Variants in SLC24A2 observed in about 807,000 individuals in gnomAD.
SLC24A2 encodes sodium/potassium/calcium exchanger 2.
A neutral mutation model predicts 62.0 loss-of-function variants in SLC24A2; 36 were observed. The observed-to-expected ratio is 0.58, with a 90% confidence interval of 0.44 to 0.77. The LOEUF is 0.77. Among genes scored for constraint, SLC24A2 ranks in the 30% least tolerant of loss-of-function variants. SLC24A2 has a pLI of 0.00. For missense variants in SLC24A2, 846 were observed against 817.9 expected, an observed-to-expected ratio of 1.03 and a Z score of -0.42; for synonymous variants, 358 against 294.0, an observed-to-expected ratio of 1.22 and a Z score of -2.23.
chr9:20,130,151 G>T, the SLC24A2 span, among the ~76,000 whole-genome samples: 33 of 152,004 alleles, frequency 2.2e-4, no homozygotes, highest in Non-Finnish European at 3.5e-4. Flanking sequence ...TTGTATGCCA[G>T]GAACATTTTA....
At chr9:19,825,260 T>G in the SLC24A2 span, among the ~76,000 whole-genome samples, 1 of 152,322 alleles carries the variant, frequency 6.6e-6, no homozygotes, top group African/African-American at 2.4e-5. Flanking sequence ...AATTATATCT[T>G]TTATAGCAAT....
the SLC24A2 span, among the ~76,000 whole-genome samples, chr9:20,139,508 C>T: frequency 1.3e-5 from 2 of 152,228 alleles, no homozygotes; most frequent in Admixed American, 6.5e-5. Flanking sequence ...TGGGCCAGCA[C>T]ACACTGTACA....
intron 4 of SLC24A2, among the ~76,000 whole-genome samples, chr9:19,600,063 G>A (rs1836803386): frequency 6.6e-6 from 1 of 152,168 alleles, no homozygotes. Flanking sequence ...GAAGCAAGAG[G>A]CAGCTAGGAT....
At chr9:20,101,868 A>C in the SLC24A2 span, among the ~76,000 whole-genome samples, 4 of 152,206 alleles carry the variant, frequency 2.6e-5, no homozygotes, top group Non-Finnish European at 5.9e-5. Flanking sequence ...CTTACCATTG[A>C]AAGCCTGCCT....
At chr9:19,750,797 G>A (rs1821960332) in intron 2 of SLC24A2, among the ~76,000 whole-genome samples, 1 of 152,088 alleles carries the variant, frequency 6.6e-6, no homozygotes, top group Non-Finnish European at 1.5e-5. Flanking sequence ...AACAACAGAT[G>A]GTGCCAAGCT....
chr9:19,953,564 C>T, the SLC24A2 span, among the ~76,000 whole-genome samples: 4 of 151,974 alleles, frequency 2.6e-5, no homozygotes, highest in Admixed American at 6.6e-5. Flanking sequence ...CCTAGTGTCT[C>T]AGTTTTCTCA....
At chr9:19,517,883 G>C (rs537932562) in intron 10 of SLC24A2, among the ~76,000 whole-genome samples, 21 of 147,012 alleles carry the variant, frequency 1.4e-4, no homozygotes, top group South Asian at 2.2e-4. Flanking sequence ...TGTGAAGAAA[G>C]ACCAAAACCC....
At chr9:19,935,511 C>T in the SLC24A2 span, among the ~76,000 whole-genome samples, 1 of 152,206 alleles carries the variant, frequency 6.6e-6, no homozygotes. Context: ...AAAGCTGCCA[C>T]CTGATTCCTC....
At chr9:19,630,732 A>G (rs969890420) in intron 2 of SLC24A2, among the ~76,000 whole-genome samples, 1 of 152,232 alleles carries the variant, frequency 6.6e-6, no homozygotes, top group Non-Finnish European at 1.5e-5. Context: ...TCCAGGAAGC[A>G]AAAACATCAT....
chr9:20,225,060 C>A, the SLC24A2 span, among the ~76,000 whole-genome samples: 1 of 152,136 alleles, frequency 6.6e-6, no homozygotes, highest in Non-Finnish European at 1.5e-5. Context: ...TTAGCTCTTT[C>A]CTCTATTCTG....
the SLC24A2 span, among the ~76,000 whole-genome samples, chr9:19,869,501 T>C: frequency 6.6e-6 from 1 of 152,246 alleles, no homozygotes; most frequent in East Asian, 1.9e-4. Flanking sequence ...CACTAACTTT[T>C]ACAGGTTGCA....
chr9:19,705,810 AT>A (rs1251574656), intron 2 of SLC24A2, among the ~76,000 whole-genome samples: 2 of 152,110 alleles, frequency 1.3e-5, no homozygotes, highest in African/African-American at 4.8e-5. Flanking sequence ...GTTTGTTATA[AT>A]TTCTGTTCTT....
the SLC24A2 span, among the ~76,000 whole-genome samples, chr9:20,108,110 G>A: frequency 4.6e-3 from 693 of 152,170 alleles, 1 homozygote; most frequent in African/African-American, 0.012. Context: ...GCTCACCATC[G>A]CTGGCCATCA....
At chr9:19,829,381 A>C in the SLC24A2 span, among the ~76,000 whole-genome samples, 2 of 152,138 alleles carry the variant, frequency 1.3e-5, no homozygotes, top group African/African-American at 4.8e-5. Flanking sequence ...AGACTAAATG[A>C]TTTGCTATTG....
chr9:19,757,863 A>G (rs1271323681), intron 2 of SLC24A2, among the ~76,000 whole-genome samples: 3 of 152,046 alleles, frequency 2.0e-5, no homozygotes, highest in African/African-American at 7.2e-5. Context: ...AGACTGTATT[A>G]TTACTCTTGA....
At chr9:19,965,988 T>A in the SLC24A2 span, among the ~76,000 whole-genome samples, 88 of 152,338 alleles carry the variant, frequency 5.8e-4, no homozygotes, top group Non-Finnish European at 9.3e-4. Flanking sequence ...TGAATTGATA[T>A]TATATTCCCT....
At chr9:20,254,425 T>C in the SLC24A2 span, among the ~76,000 whole-genome samples, 5 of 152,210 alleles carry the variant, frequency 3.3e-5, no homozygotes, top group Non-Finnish European at 7.3e-5. Flanking sequence ...GCTACATCCA[T>C]TCAACAAATG....
the SLC24A2 span, among the ~76,000 whole-genome samples, chr9:20,103,459 AGACT>A: frequency 6.6e-6 from 1 of 152,214 alleles, no homozygotes; most frequent in Admixed American, 6.5e-5. Context: ...CAGCAGGGGC[AGACT>A]GACACCTCAC....
chr9:20,176,899 A>T, the SLC24A2 span, among the ~76,000 whole-genome samples: 32,682 of 150,666 alleles, frequency 0.22, 3,849 homozygotes, highest in African/African-American at 0.29. Flanking sequence ...TCTAACAGTT[A>T]TCTAAAGTGT....
Sources: gnomAD v4.1 joint callset for allele counts (sites outside exome capture counted in the v4.1 genomes callset) on GRCh38, gnomAD v4.1.1 for gene constraint, MANE v1.5 for transcripts, NCBI Gene and HGNC (gene_info 2026-07-23, HGNC 2026-07-21) for gene names.